Variants in AHCYL2 observed in about 807,000 individuals in gnomAD.
AHCYL2 encodes adenosylhomocysteinase like 2, also known as S-adenosylhomocysteine hydrolase-like protein 2.
In AHCYL2, 28 loss-of-function variants were observed where a neutral mutation model predicts 81.4. That is an observed-to-expected ratio of 0.34 (90% confidence interval 0.25 to 0.47). The LOEUF (loss-of-function observed/expected upper bound fraction) is 0.47. Ranked by LOEUF, AHCYL2 falls within the 20% of genes least tolerant of loss-of-function variation. The probability of loss-of-function intolerance (pLI) is 1.00; values close to 1 mark genes in which losing one functional copy is unlikely to be tolerated. For synonymous variants in AHCYL2, 272 were observed against 290.2 expected, an observed-to-expected ratio of 0.94 and a Z score of 0.64; for missense variants, 551 against 785.1, an observed-to-expected ratio of 0.70 and a Z score of 3.56.
chr7:129,425,070 C>T lies in AHCYL2; in HGVS notation c.1637C>T (p.Ala546Val). The T allele has an allele frequency of 1.2e-6, 2 of 1,613,760 alleles. No individual in the cohort carries two copies. The highest frequency in any genetic ancestry group is 1.7e-6 in the Non-Finnish European group (2 of 1,179,946). ...LSITATTQAL[A>V]LIELYNAPEG... is the part of the protein sequence containing the mutation. ...ATCTCTCTGCTTTTCTAGGCTCTTG[C>T]CTTGATAGAGCTTTACAATGCTCCT... is the stretch of plus-strand genomic sequence containing the variant. Residue 546 changes from alanine (A) to valine (V), a missense_variant, in exon 15 of 17, where the codon GCC becomes GTC. Ala to Val is a moderately conservative substitution (Grantham distance 64). Transcript: ENST00000325006.
At chr7:129,323,527 C>T (rs1187276269) in intron 1 of AHCYL2, among the ~76,000 whole-genome samples, 3 of 152,126 alleles carry the variant, frequency 2.0e-5, no homozygotes, top group African/African-American at 7.2e-5. Flanking sequence ...AATATGTTTT[C>T]TGCTCTTGTT....
intron 4 of AHCYL2, among the ~76,000 whole-genome samples, chr7:129,394,587 A>C (rs762198420): frequency 7.2e-5 from 11 of 152,032 alleles, no homozygotes; most frequent in Non-Finnish European, 1.5e-4. Flanking sequence ...AACTGGGATT[A>C]AAGGCATGTG....
intron 1 of AHCYL2, among the ~76,000 whole-genome samples, chr7:129,325,809 G>A (rs1007017810): frequency 5.3e-5 from 8 of 151,646 alleles, no homozygotes; most frequent in East Asian, 1.9e-4. Flanking sequence ...GGGTTCAAGC[G>A]ATTCTCCCGC....
intron 1 of AHCYL2, among the ~76,000 whole-genome samples, chr7:129,244,042 A>G (rs188526643): frequency 3.3e-5 from 5 of 150,966 alleles, no homozygotes; most frequent in South Asian, 4.2e-4. Context: ...TGTGTTGCCC[A>G]GGGTAGAGTG....
intron 1 of AHCYL2, among the ~76,000 whole-genome samples, chr7:129,287,075 C>CA (rs112209983): frequency 1 from 152,323 of 152,324 alleles, 76,161 homozygotes; most frequent in Non-Finnish European, 1. Flanking sequence ...ATATTCCTGC[C>CA]ATCTCTTTGA....
chr7:129,370,402 T>TGGTTGGTA (rs1268000267), intron 1 of AHCYL2, among the ~76,000 whole-genome samples: 2 of 151,970 alleles, frequency 1.3e-5, no homozygotes, highest in Middle Eastern at 3.4e-3. Flanking sequence ...AAAAAATAAA[T>TGGTTGGTA]AAAAAAATTT....
chr7:129,373,175 T>G (rs956695222), intron 1 of AHCYL2, among the ~76,000 whole-genome samples: 1 of 152,194 alleles, frequency 6.6e-6, no homozygotes, highest in Admixed American at 6.5e-5. Flanking sequence ...CTCTGGTGGT[T>G]AAGATCCAGC....
intron 1 of AHCYL2, among the ~76,000 whole-genome samples, chr7:129,256,839 A>G (rs919896834): frequency 6.6e-5 from 10 of 151,990 alleles, no homozygotes; most frequent in African/African-American, 1.9e-4. Context: ...AGAGGTTTTT[A>G]CCAGTTAACA....
intron 1 of AHCYL2, among the ~76,000 whole-genome samples, chr7:129,226,982 G>A (rs576257707): frequency 2.6e-4 from 39 of 152,290 alleles, no homozygotes; most frequent in African/African-American, 8.9e-4. Context: ...AATTTGGTTA[G>A]ATTTCTTTAG....
intron 1 of AHCYL2, among the ~76,000 whole-genome samples, chr7:129,302,962 G>A (rs970506655): frequency 6.6e-6 from 1 of 152,102 alleles, no homozygotes; most frequent in Non-Finnish European, 1.5e-5. Flanking sequence ...GTAAAATTCA[G>A]CAGTGAAGCC....
At chr7:129,243,950 GATCTT>G (rs1347579544) in intron 1 of AHCYL2, among the ~76,000 whole-genome samples, 1 of 151,346 alleles carries the variant, frequency 6.6e-6, no homozygotes, top group Non-Finnish European at 1.5e-5. Flanking sequence ...ATGAGATAGT[GATCTT>G]ATTTTATTTT....
At chr7:129,399,411 C>G (rs1230836161) in intron 5 of AHCYL2, among the ~76,000 whole-genome samples, 2 of 151,212 alleles carry the variant, frequency 1.3e-5, no homozygotes, top group Non-Finnish European at 2.9e-5. Context: ...TATGCCACTG[C>G]ACTCCAGCCT....
At chr7:129,241,507 C>G (rs1794853214) in intron 1 of AHCYL2, among the ~76,000 whole-genome samples, 2 of 152,240 alleles carry the variant, frequency 1.3e-5, no homozygotes, top group South Asian at 4.2e-4. Flanking sequence ...AGGAGAATCA[C>G]TTTAACTCGG....
Position 129,399,765 on chromosome 7 carries a change from C to T in AHCYL2, c.824-525C>T, listed in dbSNP as rs1475591944. On this transcript the variant is annotated intron_variant, in intron 5 of 16. Transcript: ENST00000325006. ...TTTTTGAGACAGAGTCACGCCCTGT[C>T]GCCCAGGCTGGAGTGCAGTGGCACG... Among the ~76,000 whole-genome samples the T allele has an allele frequency of 1.1e-4, 15 of 140,482 alleles. No individual in the cohort carries two copies. The South Asian group carries it at 2.2e-3, about 21-fold the overall frequency. The allele number at this position is 140,482 out of a possible 152,430, so 92.2% of individuals were successfully genotyped here.
At chr7:129,283,245 C>G in intron 1 of AHCYL2, 1 of 398,560 alleles carries the variant, frequency 2.5e-6, no homozygotes, top group South Asian at 1.9e-5. Context: ...TGGGTTCCTC[C>G]TTCATTAAAC....
intron 1 of AHCYL2, among the ~76,000 whole-genome samples, chr7:129,226,364 C>G (rs1794217977): frequency 6.6e-6 from 1 of 152,178 alleles, no homozygotes; most frequent in Non-Finnish European, 1.5e-5. Flanking sequence ...GTCTTTCTTT[C>G]TCTCTTAAAG....
intron 1 of AHCYL2, among the ~76,000 whole-genome samples, chr7:129,253,394 C>G (rs1190155954): frequency 6.6e-6 from 1 of 152,046 alleles, no homozygotes; most frequent in African/African-American, 2.4e-5. Flanking sequence ...TTAATTCTTA[C>G]GGTAGCACTG....
In AHCYL2 at chr7:129,422,852, A is replaced by C; in HGVS notation, c.1474A>C (p.Thr492Pro). Residue 492 changes from threonine (T) to proline (P), a missense_variant, in exon 13 of 17, where the codon ACA (threonine) becomes CCA (proline). Physicochemically the swap from Thr to Pro is conservative, Grantham distance 38. Coordinates refer to ENST00000325006, the MANE Select transcript of AHCYL2 (RefSeq NM_015328.4). Reference sequence around the variant, plus strand: ...GTATGTGTTCCAGGCGAGTCTGCGGACACCAGAACTGACCTGGGAGCGAGT... The same window carrying C: ...GTATGTGTTCCAGGCGAGTCTGCGGCCACCAGAACTGACCTGGGAGCGAGT... ...NTEIDVASLR[T>P]PELTWERVRS... 6.2e-7 allele frequency: 1 copy of C among 1,614,066 alleles called. No homozygotes were observed. The highest frequency in any genetic ancestry group is 1.1e-5 in the South Asian group (1 of 91,076).
At chr7:129,259,687 T>C (rs1169900130) in intron 1 of AHCYL2, among the ~76,000 whole-genome samples, 1 of 152,240 alleles carries the variant, frequency 6.6e-6, no homozygotes, top group African/African-American at 2.4e-5. Flanking sequence ...TCAGTTTTTC[T>C]CTTTGTAAAG....
Sources: gnomAD v4.1 joint callset for allele counts (sites outside exome capture counted in the v4.1 genomes callset) on GRCh38, gnomAD v4.1.1 for gene constraint, MANE v1.5 for transcripts, NCBI Gene and HGNC (gene_info 2026-07-23, HGNC 2026-07-21) for gene names.